The following MARCHF10 variants were observed in gnomAD, a reference collection of about 807,000 sequenced individuals.
The protein encoded by MARCHF10 is probable E3 ubiquitin-protein ligase MARCHF10.
A neutral mutation model predicts 76.2 loss-of-function variants in MARCHF10; 64 were observed. That is an observed-to-expected ratio of 0.84 (90% CI 0.69 to 1.03). MARCHF10 has a LOEUF of 1.03. MARCHF10 is among the 50% of genes least tolerant of loss of function. MARCHF10 has a pLI of 0.00. For missense variants in MARCHF10, 875 were observed against 958.0 expected, an observed-to-expected ratio of 0.91 and a Z score of 1.14; for synonymous variants, 340 against 357.5, an observed-to-expected ratio of 0.95 and a Z score of 0.55.
At chr17:62,773,320 G>A (rs1426168905) in intron 3 of MARCHF10, among the ~76,000 whole-genome samples, 1 of 152,178 alleles carries the variant, frequency 6.6e-6, no homozygotes, top group Non-Finnish European at 1.5e-5. Context: ...GCACAGTGAG[G>A]ACAGAAAGAG....
At chr17:62,734,961 T>C (rs1372267086) in intron 6 of MARCHF10, among the ~76,000 whole-genome samples, 1 of 152,204 alleles carries the variant, frequency 6.6e-6, no homozygotes, top group Admixed American at 6.5e-5. Context: ...TAAGGTCTCT[T>C]GCCCCTTAAC....
chr17:62,763,399 T>C (rs1466648849), intron 3 of MARCHF10, among the ~76,000 whole-genome samples: 1 of 152,220 alleles, frequency 6.6e-6, no homozygotes, highest in Non-Finnish European at 1.5e-5. Flanking sequence ...ATCTTATAAA[T>C]GGCCAGTTGA....
At chr17:62,724,899 A>G in intron 7 of MARCHF10, 39 bp downstream of exon 7, 1 of 1,604,828 alleles carries the variant, frequency 6.2e-7, no homozygotes, top group Non-Finnish European at 8.5e-7. Flanking sequence ...TGTTAATTAC[A>G]TGTCGTGGCA....
At chr17:62,703,306 A>C (rs1254971884) in intron 10 of MARCHF10, 1 of 152,134 alleles carries the variant, frequency 6.6e-6, no homozygotes, top group Non-Finnish European at 1.5e-5. Flanking sequence ...CACAGCTGTG[A>C]CTCACCTCCG....
rs140558034 is a variant in MARCHF10, at chr17:62,728,174, G to A, written c.1938-3070C>T. On this transcript the variant is annotated intron_variant, in intron 6 of 10. Coordinates refer to ENST00000311269, the MANE Select transcript of MARCHF10 (RefSeq NM_152598.4). Reference sequence around the variant, plus strand: ...CAAGTAGCTGTGACCACAGGTGCACGCCACCATGCCCAGCTAATTTTAATT... The same window carrying A: ...CAAGTAGCTGTGACCACAGGTGCACACCACCATGCCCAGCTAATTTTAATT... 5.6e-3 allele frequency among the ~76,000 whole-genome samples: 841 copies of A among 151,216 alleles called. 4 individuals are homozygous for A. The highest frequency in any genetic ancestry group is 7.4e-3 in the Non-Finnish European group (503 of 67,890).
intron 2 of MARCHF10, among the ~76,000 whole-genome samples, chr17:62,797,547 G>C (rs1393680926): frequency 2.0e-5 from 3 of 152,188 alleles, no homozygotes; most frequent in Non-Finnish European, 4.4e-5. Flanking sequence ...TATGAGCACA[G>C]AGATTCCCTT....
At chr17:62,734,106 C>T (rs948880398) in intron 6 of MARCHF10, among the ~76,000 whole-genome samples, 1 of 152,064 alleles carries the variant, frequency 6.6e-6, no homozygotes, top group Non-Finnish European at 1.5e-5. Flanking sequence ...ATTGCTTGAA[C>T]CCTAGAGGTG....
intron 9 of MARCHF10, among the ~76,000 whole-genome samples, chr17:62,706,886 A>AGGAGAGGGAAGGC: frequency 6.6e-6 from 1 of 152,286 alleles, no homozygotes; most frequent in African/African-American, 2.4e-5. Context: ...AAAGGGAAGG[A>AGGAGAGGGAAGGC]GGAGAGGGAA....
intron 1 of MARCHF10, among the ~76,000 whole-genome samples, chr17:62,802,727 C>G (rs191780094): frequency 5.3e-5 from 8 of 152,244 alleles, no homozygotes; most frequent in Admixed American, 3.9e-4. Context: ...ACAGAGAGGA[C>G]AGCAGGTGCA....
At chr17:62,773,964 AAAG>A (rs1323739828) in intron 3 of MARCHF10, among the ~76,000 whole-genome samples, 1 of 152,186 alleles carries the variant, frequency 6.6e-6, no homozygotes, top group Non-Finnish European at 1.5e-5. Context: ...GACAGGTGTA[AAAG>A]AAGACAAAAG....
chr17:62,721,618 TATCTC>T (rs2090491214), intron 8 of MARCHF10, among the ~76,000 whole-genome samples: 1 of 152,210 alleles, frequency 6.6e-6, no homozygotes, highest in Non-Finnish European at 1.5e-5. Flanking sequence ...GATTAACTGT[TATCTC>T]AGGCACAAAT....
At chr17:62,764,921 G>A (rs995150808) in intron 3 of MARCHF10, among the ~76,000 whole-genome samples, 2 of 152,170 alleles carry the variant, frequency 1.3e-5, no homozygotes, top group African/African-American at 2.4e-5. Context: ...GGTCTTTCTG[G>A]ACTCAGGTAC....
At chr17:62,713,068 C>T (rs1055334148) in intron 8 of MARCHF10, among the ~76,000 whole-genome samples, 5 of 152,090 alleles carry the variant, frequency 3.3e-5, no homozygotes. Flanking sequence ...TAATTGCCTC[C>T]TCCTGCCCTC....
intron 1 of MARCHF10, 60 bp downstream of exon 1, chr17:62,808,017 A>G (rs2093187881): frequency 6.6e-6 from 1 of 151,760 alleles, no homozygotes; most frequent in Non-Finnish European, 1.5e-5. Context: ...GTCGAAAGGG[A>G]AGGTTGTCCC....
chr17:62,745,559 A>G (rs1451477847), intron 4 of MARCHF10, among the ~76,000 whole-genome samples: 2 of 152,150 alleles, frequency 1.3e-5, no homozygotes, highest in Non-Finnish European at 2.9e-5. Context: ...ATACCTGCAT[A>G]TTTATATCCT....
chr17:62,750,723 G>C (rs2091871093), intron 4 of MARCHF10, among the ~76,000 whole-genome samples: 1 of 152,196 alleles, frequency 6.6e-6, no homozygotes, highest in African/African-American at 2.4e-5. Flanking sequence ...CAAGGGAAGC[G>C]GCACCAGCAT....
At chr17:62,735,899 G>C (rs766272035) in intron 6 of MARCHF10, 32 bp downstream of exon 6, 1 of 1,571,762 alleles carries the variant, frequency 6.4e-7, no homozygotes, top group Admixed American at 2.1e-5. Context: ...TTGGGAAAGT[G>C]GAAAAAATAT....
At position 62,801,641 on chromosome 17, in the gene MARCHF10, A is replaced by G. The variant is rs2093075376; in HGVS notation, c.90+5T>C. On this transcript the variant is annotated splice_donor_5th_base_variant and intron_variant, in intron 2 of 10. Transcript: ENST00000311269. ...CAGAAGACCATTCTTGCTTTCTGCAATTACCTGATACTCAGAGTCCACCTT... is the reference window on the plus strand; with the variant it reads ...CAGAAGACCATTCTTGCTTTCTGCAGTTACCTGATACTCAGAGTCCACCTT... 2 of 1,612,980 alleles carry G rather than the reference A, an allele frequency of 1.2e-6. No individual in the cohort carries two copies. The highest frequency in any genetic ancestry group is 1.3e-5 in the African/African-American group (1 of 74,886).
chr17:62,727,032 G>C (rs1568118427), intron 6 of MARCHF10, among the ~76,000 whole-genome samples: 1 of 152,182 alleles, frequency 6.6e-6, no homozygotes, highest in South Asian at 2.1e-4. Context: ...CAGGTTCACC[G>C]GTAGAGATTT....
Sources: gnomAD v4.1 joint callset for allele counts (sites outside exome capture counted in the v4.1 genomes callset) on GRCh38, gnomAD v4.1.1 for gene constraint, MANE v1.5 for transcripts, NCBI Gene and HGNC (gene_info 2026-07-23, HGNC 2026-07-21) for gene names.